RELN: variants seen among roughly 807,000 people sequenced by gnomAD.
RELN encodes the protein reelin.
RELN carries 108 observed loss-of-function variants against 427.6 expected under a neutral mutation model. The ratio of observed to expected loss-of-function variants is 0.25; its 90% CI spans 0.22 to 0.30. The LOEUF (loss-of-function observed/expected upper bound fraction) is 0.30, where lower values mean the gene tolerates loss of function less well. Among genes scored for constraint, RELN ranks in the 10% least tolerant of loss-of-function variants. RELN has a pLI of 1.00. For synonymous variants in RELN, 1,524 were observed against 1,513.4 expected, an observed-to-expected ratio of 1.01 and a Z score of -0.16; for missense variants, 3,715 against 4,302.8, an observed-to-expected ratio of 0.86 and a Z score of 3.82.
At chr7:103,815,369 A>T (rs1189789210) in intron 3 of RELN, among the ~76,000 whole-genome samples, 1 of 152,216 alleles carries the variant, frequency 6.6e-6, no homozygotes, top group Non-Finnish European at 1.5e-5. Context: ...GGCTTCTAAG[A>T]CAAGTAGCTG....
chr7:103,604,377 C>T lies in RELN; in HGVS notation c.3115G>A (p.Gly1039Arg). The change falls in exon 23 of 65, where the codon GGG (glycine) becomes AGG (arginine). Residue 1039 changes from glycine (G) to arginine (R), a missense_variant. This residue lies in a region of RELN where 2,208 missense variants were observed against 2,361.7 expected (regional missense o/e 0.93). Transcript: ENST00000428762. Reference sequence around the variant, plus strand: ...ATGCCATGATCGCATGAGCCATGCCCACTGCACATGTTGGGGCACTGCTGC... The same window carrying T: ...ATGCCATGATCGCATGAGCCATGCCTACTGCACATGTTGGGGCACTGCTGC... ...IGQQCPNMCS[G>R]HGSCDHGICR... 6.2e-7 allele frequency: 1 copy of T among 1,613,942 alleles called. No individual in the cohort carries two copies. Among genetic ancestry groups the T allele is most frequent in the Non-Finnish European group, 8.5e-7 (1 of 1,179,878 alleles).
intron 3 of RELN, among the ~76,000 whole-genome samples, chr7:103,787,759 A>G (rs1488995056): frequency 6.6e-6 from 1 of 152,182 alleles, no homozygotes; most frequent in East Asian, 1.9e-4. Context: ...AGAGGTATAA[A>G]GAGGAGCTGG....
At chr7:103,773,130 TTC>T (rs1426840206) in intron 4 of RELN, among the ~76,000 whole-genome samples, 3 of 98,158 alleles carry the variant, frequency 3.1e-5, no homozygotes, top group South Asian at 4.0e-4. Flanking sequence ...CTTTCTTTCT[TTC>T]TTTCTTTCTT....
intron 46 of RELN, among the ~76,000 whole-genome samples, chr7:103,524,673 A>C (rs1829784735): frequency 6.6e-6 from 1 of 152,250 alleles, no homozygotes; most frequent in Non-Finnish European, 1.5e-5. Flanking sequence ...AGGCAGGACA[A>C]AAGACCAAAC....
chr7:103,785,203 C>A (rs12672946), intron 3 of RELN, among the ~76,000 whole-genome samples: 3,729 of 152,150 alleles, frequency 0.025, 151 homozygotes, highest in African/African-American at 0.082. Context: ...AATAAAAATG[C>A]TTTCCACACC....
In RELN at chr7:103,496,017, G is replaced by A; in HGVS notation, c.9194-119C>T. On this transcript the variant is annotated intron_variant, in intron 56 of 64. Transcript: ENST00000428762. ...ATTGTTGAATTCCTTAAATTTTTATGCTCTACTAGCTTTCTGCTTACACTT... is the reference window on the plus strand; with the variant it reads ...ATTGTTGAATTCCTTAAATTTTTATACTCTACTAGCTTTCTGCTTACACTT... The A allele has an allele frequency of 4.0e-6, 4 of 1,000,798 alleles. No individual in the cohort carries two copies. The South Asian group carries it at 5.4e-5, about 13-fold the overall frequency. 62.0% of individuals were successfully genotyped at this position (1,000,798 alleles called of 1,614,324 possible). A position where few individuals can be genotyped will look rare whatever the true frequency, so the allele number is the denominator to read the frequency against.
At chr7:103,532,093 T>C (rs1238893237) in intron 46 of RELN, among the ~76,000 whole-genome samples, 1 of 151,624 alleles carries the variant, frequency 6.6e-6, no homozygotes, top group Non-Finnish European at 1.5e-5. Flanking sequence ...ATATACACCA[T>C]GGAATACTAT....
chr7:103,678,530 G>A (rs1833587663), intron 11 of RELN, among the ~76,000 whole-genome samples: 1 of 152,216 alleles, frequency 6.6e-6, no homozygotes, highest in Non-Finnish European at 1.5e-5. Flanking sequence ...GCATCCTTGT[G>A]ATCTGAGATA....
chr7:103,586,229 G>C (rs1831267363), intron 28 of RELN, among the ~76,000 whole-genome samples: 2 of 152,090 alleles, frequency 1.3e-5, no homozygotes, highest in South Asian at 2.1e-4. Context: ...CGGGCATGGT[G>C]ATGCTTGCCT....
In RELN at chr7:103,661,410, G is replaced by A. The variant is rs574149208; in HGVS notation, c.1407C>T (p.Thr469=). 6.2e-6 allele frequency: 10 copies of A among 1,613,822 alleles called. No homozygotes were observed. The highest frequency in any genetic ancestry group is 5.0e-5 in the Admixed American group (3 of 59,994). ...RKLCTPSMDT[T]GYGNLRFYFV... ...AGTAAAACCTCAGGTTCCCATAACC[G>A]GTAGTGTCCATGGATGGAGTGCATA... The change falls in exon 12 of 65, where the codon ACC becomes ACT. Residue 469 remains threonine, a synonymous_variant. Transcript: ENST00000428762.
At chr7:103,897,964 C>A (rs1176787095) in intron 2 of RELN, among the ~76,000 whole-genome samples, 1 of 152,082 alleles carries the variant, frequency 6.6e-6, no homozygotes, top group African/African-American at 2.4e-5. Context: ...CGCTTTTTAA[C>A]AAACTAATTA....
At chr7:103,696,268 G>A (rs1168977819) in intron 10 of RELN, among the ~76,000 whole-genome samples, 2 of 152,000 alleles carry the variant, frequency 1.3e-5, no homozygotes, top group South Asian at 4.2e-4. Context: ...TACAGTTGAG[G>A]GTCTCATGAC....
At chr7:103,585,348 C>T (rs1324597556) in intron 28 of RELN, among the ~76,000 whole-genome samples, 1 of 151,868 alleles carries the variant, frequency 6.6e-6, no homozygotes, top group African/African-American at 2.4e-5. Context: ...CAAATAAGCA[C>T]AATCAGAAAT....
intron 28 of RELN, among the ~76,000 whole-genome samples, chr7:103,579,869 C>A (rs1250318860): frequency 4.6e-5 from 7 of 152,168 alleles, no homozygotes; most frequent in Non-Finnish European, 1.0e-4. Context: ...TGCAGAGATG[C>A]AGAGTATTCT....
chr7:103,509,126 C>T (rs1829312565), intron 51 of RELN, among the ~76,000 whole-genome samples: 1 of 152,208 alleles, frequency 6.6e-6, no homozygotes, highest in Non-Finnish European at 1.5e-5. Context: ...CTACTATTGA[C>T]TTTCTTCACA....
chr7:103,737,861 CTT>C lies in RELN; in HGVS notation c.657-9656_657-9655del, dbSNP rs1404574394. ...CAATGCCAATCATGGCTTTAGCTTC[CTT>C]TGTTGTAAATTGTGGACCTTTCTGT... On this transcript the variant is annotated intron_variant, in intron 6 of 64. Coordinates refer to ENST00000428762, the MANE Select transcript of RELN (RefSeq NM_005045.4). Among the ~76,000 whole-genome samples the C allele has an allele frequency of 2.6e-5, 4 of 152,184 alleles. No individual in the cohort carries two copies. In the East Asian group the frequency reaches 7.7e-4, roughly 29 times the overall value.
chr7:103,800,965 A>C (rs143633462), intron 3 of RELN, among the ~76,000 whole-genome samples: 37,366 of 152,146 alleles, frequency 0.25, 4,651 homozygotes, highest in East Asian at 0.35. Context: ...ATGCAGCCAA[A>C]AGACACATGA....
chr7:103,906,438 T>C (rs1178613998), intron 2 of RELN, among the ~76,000 whole-genome samples: 1 of 152,188 alleles, frequency 6.6e-6, no homozygotes, highest in African/African-American at 2.4e-5. Context: ...GTTAGCTATG[T>C]TTATGATTTC....
chr7:103,605,905 C>G (rs1000822126), intron 22 of RELN, among the ~76,000 whole-genome samples: 1 of 152,164 alleles, frequency 6.6e-6, no homozygotes, highest in African/African-American at 2.4e-5. Context: ...ATCCAGTAGA[C>G]ACAGGGTTGC....
Sources: allele counts gnomAD v4.1 joint callset (sites outside exome capture counted in the v4.1 genomes callset), GRCh38; gene constraint gnomAD v4.1.1; regional missense constraint gnomAD v4.1.1; transcripts MANE v1.5; gene names NCBI Gene and HGNC (gene_info 2026-07-23, HGNC 2026-07-21).